The following TRPC4 variants were observed in gnomAD, a reference collection of about 807,000 sequenced individuals.
TRPC4 encodes short transient receptor potential channel 4.
In TRPC4, 49 loss-of-function variants were observed where a neutral mutation model predicts 99.4. The ratio of observed to expected loss-of-function variants is 0.49; its 90% CI spans 0.39 to 0.63. TRPC4 has a LOEUF of 0.63. TRPC4 is among the 20% of genes least tolerant of loss of function. The pLI, the probability that TRPC4 is intolerant of heterozygous loss-of-function variation, is 0.00. For synonymous variants in TRPC4, 454 were observed against 425.9 expected, an observed-to-expected ratio of 1.07 and a Z score of -0.81; for missense variants, 898 against 1,152.9, an observed-to-expected ratio of 0.78 and a Z score of 3.20.
In TRPC4 at chr13:37,761,794, G is replaced by A. The variant is rs565862897; in HGVS notation, c.379-15339C>T. Among the ~76,000 whole-genome samples, 9 of 151,914 alleles carry A rather than the reference G, an allele frequency of 5.9e-5. No homozygotes were observed. The East Asian group carries it at 1.8e-3, about 30-fold the overall frequency. The stretch of plus-strand genomic sequence containing the variant: ...ATTTGTTTCTCCTCACATAAACACA[G>A]TCCCAATTATAGTGCTTGATTCATC... On this transcript the variant is annotated intron_variant, in intron 2 of 10. Transcript: ENST00000379705.
intron 1 of TRPC4, among the ~76,000 whole-genome samples, chr13:37,818,864 T>C (rs548225221): frequency 1.1e-4 from 17 of 152,082 alleles, no homozygotes; most frequent in East Asian, 9.7e-4. Context: ...GATGGGTTGA[T>C]AGGTGCAGCA....
intron 3 of TRPC4, among the ~76,000 whole-genome samples, chr13:37,745,446 A>ATATATATATATATATGCG (rs1593640655): frequency 8.8e-4 from 3 of 3,424 alleles, no homozygotes; most frequent in East Asian, 0.019. Context: ...GTATATATAT[A>ATATATATATATATATGCG]TATATATATA....
intron 1 of TRPC4, among the ~76,000 whole-genome samples, chr13:37,827,508 C>A (rs1405698427): frequency 6.6e-6 from 1 of 152,108 alleles, no homozygotes; most frequent in Non-Finnish European, 1.5e-5. Context: ...CCCTCAGCTG[C>A]AGGTCTGTTG....
intron 3 of TRPC4, among the ~76,000 whole-genome samples, chr13:37,707,373 T>C (rs1396132733): frequency 6.6e-6 from 1 of 152,150 alleles, no homozygotes; most frequent in Non-Finnish European, 1.5e-5. Flanking sequence ...GATGTAAATA[T>C]ACCCTCAAAC....
intron 1 of TRPC4, among the ~76,000 whole-genome samples, chr13:37,816,435 A>G (rs567588804): frequency 1.6e-4 from 24 of 152,092 alleles, no homozygotes; most frequent in Middle Eastern, 6.8e-3. Context: ...CAGGATATAC[A>G]TTCTTCTCAT....
chr13:37,815,347 C>A (rs1488438547), intron 1 of TRPC4, among the ~76,000 whole-genome samples: 1 of 151,766 alleles, frequency 6.6e-6, no homozygotes, highest in Admixed American at 6.6e-5. Context: ...GAAGAAAGAC[C>A]CAGCTGTATG....
At chr13:37,819,093 G>T (rs756158783) in intron 1 of TRPC4, among the ~76,000 whole-genome samples, 5 of 151,930 alleles carry the variant, frequency 3.3e-5, no homozygotes, top group Non-Finnish European at 7.4e-5. Context: ...TAATATCACT[G>T]ATCATTAGAG....
chr13:37,834,586 C>T (rs1294241176), intron 1 of TRPC4, among the ~76,000 whole-genome samples: 1 of 152,124 alleles, frequency 6.6e-6, no homozygotes, highest in Non-Finnish European at 1.5e-5. Flanking sequence ...ATGTTCTTGC[C>T]ATACTTATTG....
chr13:37,866,743 A>G (rs756222310), intron 1 of TRPC4, among the ~76,000 whole-genome samples: 8 of 150,420 alleles, frequency 5.3e-5, no homozygotes, highest in South Asian at 2.1e-4. Flanking sequence ...AGAAAACATG[A>G]GTAGTGAGAT....
chr13:37,681,011 C>T (rs940049814), intron 4 of TRPC4, among the ~76,000 whole-genome samples: 1 of 152,088 alleles, frequency 6.6e-6, no homozygotes, highest in Admixed American at 6.6e-5. Context: ...TAACAGTCAT[C>T]GAAATAGCGA....
intron 1 of TRPC4, among the ~76,000 whole-genome samples, chr13:37,854,290 C>T (rs185889741): frequency 1.9e-4 from 29 of 151,976 alleles, no homozygotes; most frequent in African/African-American, 6.0e-4. Context: ...CAGTGCCGAA[C>T]GAAAAATAAA....
intron 3 of TRPC4, among the ~76,000 whole-genome samples, chr13:37,721,040 T>A (rs1264576317): frequency 6.6e-6 from 1 of 152,172 alleles, no homozygotes; most frequent in Non-Finnish European, 1.5e-5. Context: ...AATAGCTGCT[T>A]CTTCATAACC....
chr13:37,847,733 A>T (rs926041789), intron 1 of TRPC4, among the ~76,000 whole-genome samples: 1 of 152,134 alleles, frequency 6.6e-6, no homozygotes, highest in Non-Finnish European at 1.5e-5. Context: ...TAAGTGAAAT[A>T]AGCCAAGCAA....
chr13:37,655,388 T>C, intron 6 of TRPC4, 105 bp from the exon 7 acceptor site: 1 of 367,564 alleles, frequency 2.7e-6, no homozygotes, highest in Non-Finnish European at 4.3e-6. Flanking sequence ...TATATATAAT[T>C]AACTTAAACA....
At chr13:37,705,789 C>A (rs1026330682) in intron 3 of TRPC4, among the ~76,000 whole-genome samples, 1 of 152,094 alleles carries the variant, frequency 6.6e-6, no homozygotes, top group Non-Finnish European at 1.5e-5. Flanking sequence ...AGCTCCTGTA[C>A]GACACTTTCT....
At chr13:37,721,541 A>G (rs1954868770) in intron 3 of TRPC4, among the ~76,000 whole-genome samples, 1 of 152,166 alleles carries the variant, frequency 6.6e-6, no homozygotes, top group Non-Finnish European at 1.5e-5. Context: ...ATTATAAAGC[A>G]GTTTAGAATG....
intron 1 of TRPC4, among the ~76,000 whole-genome samples, chr13:37,840,507 T>C (rs1656063270): frequency 6.6e-6 from 1 of 152,056 alleles, no homozygotes; most frequent in Admixed American, 6.5e-5. Flanking sequence ...CTTCTCATCA[T>C]TCTCTATCTC....
chr13:37,804,229 T>C (rs1403489421), intron 1 of TRPC4, among the ~76,000 whole-genome samples: 3 of 152,124 alleles, frequency 2.0e-5, no homozygotes, highest in Non-Finnish European at 2.9e-5. Context: ...CACTGCCATG[T>C]TCTTCGTCTA....
chr13:37,845,206 C>G (rs1213054711), intron 1 of TRPC4, among the ~76,000 whole-genome samples: 2 of 152,088 alleles, frequency 1.3e-5, no homozygotes, highest in Admixed American at 6.5e-5. Flanking sequence ...AAATAGCCAT[C>G]TCCTCAAATG....
Sources: gnomAD v4.1 joint callset for allele counts (sites outside exome capture counted in the v4.1 genomes callset) on GRCh38, gnomAD v4.1.1 for gene constraint, MANE v1.5 for transcripts, NCBI Gene and HGNC (gene_info 2026-07-23, HGNC 2026-07-21) for gene names.